The following SLC8A2 variants were observed in gnomAD, a reference collection of about 807,000 sequenced individuals.
The protein encoded by SLC8A2 is solute carrier family 8 member A2.
SLC8A2 carries 14 observed loss-of-function variants against 70.2 expected under a neutral mutation model. The observed-to-expected ratio is 0.20, with a 90% CI of 0.13 to 0.31. The LOEUF (loss-of-function observed/expected upper bound fraction) is 0.31. Among genes scored for constraint, SLC8A2 ranks in the 10% least tolerant of loss-of-function variants. The pLI is 1.00. For synonymous variants in SLC8A2, 575 were observed against 594.3 expected, an observed-to-expected ratio of 0.97 and a Z score of 0.47; for missense variants, 779 against 1,320.1, an observed-to-expected ratio of 0.59 and a Z score of 6.35.
At chr19:47,443,795 G>C (rs1967127144) in intron 4 of SLC8A2, among the ~76,000 whole-genome samples, 1 of 151,792 alleles carries the variant, frequency 6.6e-6, no homozygotes, top group Admixed American at 6.6e-5. Flanking sequence ...AGCTTCTCTG[G>C]GTCTATCTCT....
rs1007602510 is a variant in SLC8A2, at chr19:47,468,017, A to C, written c.-16-1598T>G. Among the ~76,000 whole-genome samples, 4 of 151,868 alleles carry C rather than the reference A, an allele frequency of 2.6e-5. No homozygotes were observed. The highest frequency in any genetic ancestry group is 9.7e-5 in the African/African-American group (4 of 41,330). On this transcript the variant is annotated intron_variant, in intron 1 of 9. Coordinates refer to ENST00000236877, the MANE Select transcript of SLC8A2 (RefSeq NM_015063.3). The surrounding 1 kb of genome is among the most constrained non-coding windows in gnomAD (Gnocchi z 5.1). ...CCAGACTCTGCCTCAAAAACAAAAC[A>C]AAACCAAAAACAAAGCCCACAAATC...
In SLC8A2 at chr19:47,453,857, G is replaced by A. The variant is rs371948624; in HGVS notation, c.1340+3073C>T. Among the ~76,000 whole-genome samples, 20 of 152,134 alleles carry A rather than the reference G, an allele frequency of 1.3e-4. No homozygotes were observed. The East Asian group carries it at 2.5e-3, about 19-fold the overall frequency. ...GGAGGATTGCTTGAGCTTGGGAGGC[G>A]GAGGCTGCAGTGAGCCATGATTGCG... On this transcript the variant is annotated intron_variant, in intron 3 of 9. Transcript: ENST00000236877.
At chr19:47,435,497 T>G (rs1001319540) in intron 8 of SLC8A2, among the ~76,000 whole-genome samples, 1 of 150,076 alleles carries the variant, frequency 6.7e-6, no homozygotes, top group Non-Finnish European at 1.5e-5. Context: ...GTTCGTGGAA[T>G]GAACCTCAAA....
chr19:47,442,760 T>C (rs908160394), intron 4 of SLC8A2, among the ~76,000 whole-genome samples: 4 of 152,210 alleles, frequency 2.6e-5, no homozygotes, highest in African/African-American at 9.6e-5. Context: ...CATAGCTCAA[T>C]GCAGCCTCAA....
intron 8 of SLC8A2, among the ~76,000 whole-genome samples, chr19:47,433,457 C>T: frequency 6.6e-6 from 1 of 152,188 alleles, no homozygotes; most frequent in Middle Eastern, 3.2e-3. Flanking sequence ...CTTGTTTTGC[C>T]AGAATTCCTC....
At position 47,465,108 on chromosome 19, in the gene SLC8A2, C is replaced by T. The variant is rs79006749; in HGVS notation, c.675+621G>A. Among the ~76,000 whole-genome samples, 1,102 of 152,236 alleles carry T rather than the reference C, an allele frequency of 7.2e-3. 12 individuals are homozygous for T. The highest frequency in any genetic ancestry group is 0.02 in the Middle Eastern group (6 of 294). On this transcript the variant is annotated intron_variant, in intron 2 of 9. Transcript: ENST00000236877. This position sits in a 1 kb window ranked among gnomAD's most constrained non-coding sequence, Gnocchi z 5.5. ...ATGAATAATGAATGAATTATGCAAACCGTGATTACATATCTGGCAAATGGC... is the reference window on the plus strand; with the variant it reads ...ATGAATAATGAATGAATTATGCAAATCGTGATTACATATCTGGCAAATGGC...
rs898380776 is a variant in SLC8A2, at chr19:47,437,834, G to A, written c.2010+15C>T. 1 of 1,613,894 alleles carries A rather than the reference G, an allele frequency of 6.2e-7. No individual in the cohort carries two copies. The highest frequency in any genetic ancestry group is 8.5e-7 in the Non-Finnish European group (1 of 1,179,906). On this transcript the variant is annotated intron_variant, in intron 7 of 9. Coordinates refer to ENST00000236877, the MANE Select transcript of SLC8A2 (RefSeq NM_015063.3). ...CCAGGCTGGACTCCAGGAAGGTGAGGCCCCGGAAAATCACCTTAAAATCAT... is the reference window on the plus strand; with the variant it reads ...CCAGGCTGGACTCCAGGAAGGTGAGACCCCGGAAAATCACCTTAAAATCAT...
rs143629506 is a variant in SLC8A2, at chr19:47,441,462, G to A, written c.1764-22C>T. 880 of 1,454,984 alleles carry A rather than the reference G, an allele frequency of 6.0e-4. 15 individuals carry two copies. The South Asian group carries it at 6.6e-3, about 11-fold the overall frequency. 90.1% of individuals were successfully genotyped at this position (1,454,984 alleles called of 1,614,324 possible). ...TTTCCTGTGCAGGGGGTAAGGGGGAGGCAGAACACTCAGTGTAAGGCCCCC... is the reference window on the plus strand; with the variant it reads ...TTTCCTGTGCAGGGGGTAAGGGGGAAGCAGAACACTCAGTGTAAGGCCCCC... On this transcript the variant is annotated intron_variant, in intron 4 of 9. Coordinates refer to ENST00000236877, the MANE Select transcript of SLC8A2 (RefSeq NM_015063.3).
At chr19:47,436,254 G>A (rs757239022) in intron 8 of SLC8A2, among the ~76,000 whole-genome samples, 23 of 152,136 alleles carry the variant, frequency 1.5e-4, no homozygotes, top group Non-Finnish European at 2.8e-4. Flanking sequence ...GTTAGGAACC[G>A]CATCAGGGCT....
rs370630031 is a variant in SLC8A2, at chr19:47,450,139, C to T, written c.1341-1908G>A. 2.0e-4 allele frequency among the ~76,000 whole-genome samples: 30 copies of T among 152,270 alleles called. No homozygotes were observed. In the East Asian group the frequency reaches 4.8e-3, roughly 24 times the overall value. ...AATCTTGAAAATCTATCATTTCCCCCAATCCCTCCTACTGTGCATGTAAGG... is the reference window on the plus strand; with the variant it reads ...AATCTTGAAAATCTATCATTTCCCCTAATCCCTCCTACTGTGCATGTAAGG... On this transcript the variant is annotated intron_variant, in intron 3 of 9. Transcript: ENST00000236877.
rs749545821 is a variant in SLC8A2 at position 47,471,421 on chromosome 19, A to G, written c.-17+368T>C. 2.6e-4 allele frequency among the ~76,000 whole-genome samples: 40 copies of G among 151,570 alleles called. 1 individual carries two copies. The highest frequency in any genetic ancestry group is 1.6e-3 in the Admixed American group (25 of 15,236). On this transcript the variant is annotated intron_variant, in intron 1 of 9. Coordinates refer to ENST00000236877, the MANE Select transcript of SLC8A2 (RefSeq NM_015063.3). ...CTCCCAGAGGCGGCCAGACTCTGCT[A>G]GACAGAGACCCCTGAGACATGTGGA... is the stretch of plus-strand genomic sequence containing the variant.
intron 4 of SLC8A2, among the ~76,000 whole-genome samples, chr19:47,446,587 C>T (rs1967165519): frequency 6.6e-6 from 1 of 152,114 alleles, no homozygotes; most frequent in Non-Finnish European, 1.5e-5. Context: ...ACCACCATGC[C>T]CAGCTAATTT....
At chr19:47,471,078 CAG>C (rs879776092) in intron 1 of SLC8A2, among the ~76,000 whole-genome samples, 2 of 149,138 alleles carry the variant, frequency 1.3e-5, no homozygotes, top group African/African-American at 5.0e-5. Flanking sequence ...GAGAGAGAAA[CAG>C]AGACTGAGAT....
intron 3 of SLC8A2, 136 bp downstream of exon 3, chr19:47,456,794 G>GGAAT (rs1027170817): frequency 1.1e-6 from 1 of 941,026 alleles, no homozygotes; most frequent in Non-Finnish European, 1.5e-6. Context: ...CAGGCTCTCA[G>GGAAT]GAATGAATGA....
chr19:47,468,809 C>T lies in SLC8A2; in HGVS notation c.-16-2390G>A, dbSNP rs1025380888. Among the ~76,000 whole-genome samples the T allele has an allele frequency of 2.0e-5, 3 of 152,140 alleles. No individual in the cohort carries two copies. Among genetic ancestry groups the T allele is most frequent in the Admixed American group, 6.5e-5 (1 of 15,280 alleles). On this transcript the variant is annotated intron_variant, in intron 1 of 9. Transcript: ENST00000236877. This position sits in a 1 kb window ranked among gnomAD's most constrained non-coding sequence, Gnocchi z 5.1. Reference sequence around the variant, plus strand: ...CCCAGGTCGCCTCTCCAAGAGTGGCCCTGACTCTGAGCTCCTCCGCCCCAC... The same window carrying T: ...CCCAGGTCGCCTCTCCAAGAGTGGCTCTGACTCTGAGCTCCTCCGCCCCAC...
chr19:47,428,457 G>A lies in SLC8A2; in HGVS notation c.*1632C>T, dbSNP rs1031986511. 1 of 152,110 alleles carries A rather than the reference G, an allele frequency of 6.6e-6. No homozygotes were observed. The highest frequency in any genetic ancestry group is 1.9e-4 in the East Asian group (1 of 5,190). 9.4% of individuals were successfully genotyped at this position (152,110 alleles called of 1,614,324 possible). ...AGCTAGGCTGACGGATGGGGGCGTG[G>A]CTAGTGGAAGCTCATTACTGATGGG... On this transcript the variant is annotated 3_prime_UTR_variant, in exon 10 of 10. Transcript: ENST00000236877.
chr19:47,440,155 C>G (rs1967083827), intron 6 of SLC8A2, among the ~76,000 whole-genome samples: 1 of 152,156 alleles, frequency 6.6e-6, no homozygotes, highest in Non-Finnish European at 1.5e-5. Flanking sequence ...AACTCTTACT[C>G]CAATCTCTGA....
At position 47,465,089 on chromosome 19, in the gene SLC8A2, A is replaced by T. The variant is rs1211687154; in HGVS notation, c.675+640T>A. 1.3e-5 allele frequency among the ~76,000 whole-genome samples: 2 copies of T among 152,230 alleles called. No individual in the cohort carries two copies. The highest frequency in any genetic ancestry group is 4.8e-5 in the African/African-American group (2 of 41,460). ...CCAACATCAGAAATTGATGATGAAT[A>T]ATGAATGAATTATGCAAACCGTGAT... On this transcript the variant is annotated intron_variant, in intron 2 of 9. Coordinates refer to ENST00000236877, the MANE Select transcript of SLC8A2 (RefSeq NM_015063.3). The surrounding 1 kb of genome is among the most constrained non-coding windows in gnomAD (Gnocchi z 5.5).
At position 47,447,620 on chromosome 19, in the gene SLC8A2, G is replaced by A. The variant is rs1967181815; in HGVS notation, c.1763+189C>T. On this transcript the variant is annotated intron_variant, in intron 4 of 9. Transcript: ENST00000236877. This position sits in a 1 kb window ranked among gnomAD's most constrained non-coding sequence, Gnocchi z 5.1. ...AGCTGTTCAGTGAAGCCCCGCCCAC[G>A]TCGTGGGCATGGGTCACAGGCCCCG... The A allele has an allele frequency of 5.1e-6, 2 of 396,004 alleles. No homozygotes were observed. Among genetic ancestry groups the A allele is most frequent in the East Asian group, 4.1e-5 (1 of 24,176 alleles). 24.5% of individuals were successfully genotyped at this position (396,004 alleles called of 1,614,324 possible). A position where few individuals can be genotyped will look rare whatever the true frequency, so the allele number is the denominator to read the frequency against.
Sources: allele counts gnomAD v4.1 joint callset (sites outside exome capture counted in the v4.1 genomes callset), GRCh38; gene constraint gnomAD v4.1.1; non-coding constraint Gnocchi (gnomAD v3.1); transcripts MANE v1.5; gene names NCBI Gene and HGNC (gene_info 2026-07-23, HGNC 2026-07-21).